The following PEX5L variants were observed in gnomAD, a reference collection of about 807,000 sequenced individuals.
PEX5L encodes the protein peroxisomal biogenesis factor 5 like.
PEX5L carries 30 observed loss-of-function variants against 84.0 expected under a neutral mutation model. The ratio of observed to expected loss-of-function variants is 0.36; its 90% CI spans 0.27 to 0.48. The LOEUF (loss-of-function observed/expected upper bound fraction) is 0.48. Ranked by LOEUF, PEX5L falls within the 20% of genes least tolerant of loss-of-function variation. PEX5L has a pLI of 0.99. For missense variants in PEX5L, 533 were observed against 754.6 expected, an observed-to-expected ratio of 0.71 and a Z score of 3.44; for synonymous variants, 270 against 283.1, an observed-to-expected ratio of 0.95 and a Z score of 0.46.
At chr3:179,894,139 T>A (rs548646484) in intron 3 of PEX5L, among the ~76,000 whole-genome samples, 1 of 152,242 alleles carries the variant, frequency 6.6e-6, no homozygotes, top group South Asian at 2.1e-4. Context: ...TACTTGTTTA[T>A]GGTTTTATTA....
intron 8 of PEX5L, among the ~76,000 whole-genome samples, chr3:179,841,315 T>G (rs1217220991): frequency 1.3e-5 from 2 of 152,126 alleles, no homozygotes; most frequent in Non-Finnish European, 2.9e-5. Flanking sequence ...TCGAAGGCCT[T>G]CTCTTTCCAT....
At chr3:179,922,451 C>CT (rs35332742) in intron 2 of PEX5L, among the ~76,000 whole-genome samples, 16,498 of 133,960 alleles carry the variant, frequency 0.12, 1,213 homozygotes, top group Non-Finnish European at 0.17. Flanking sequence ...CTTTTCTTTT[C>CT]TTTTTTTTTT....
At chr3:179,832,179 GA>G (rs1166519393) in intron 8 of PEX5L, among the ~76,000 whole-genome samples, 12 of 152,020 alleles carry the variant, frequency 7.9e-5, no homozygotes, top group Non-Finnish European at 1.3e-4. Flanking sequence ...ATCTTTAATA[GA>G]ATCCATAGGA....
intron 2 of PEX5L, among the ~76,000 whole-genome samples, chr3:179,961,469 G>A (rs151292185): frequency 4.7e-4 from 71 of 152,204 alleles, no homozygotes; most frequent in African/African-American, 1.7e-3. Context: ...GAGTGGTGCT[G>A]AGCAGAGAAG....
At chr3:180,032,000 T>C (rs1399039819) in intron 1 of PEX5L, among the ~76,000 whole-genome samples, 1 of 152,260 alleles carries the variant, frequency 6.6e-6, no homozygotes, top group Non-Finnish European at 1.5e-5. Context: ...GTGTTTCTTA[T>C]AGTAAGTATA....
At chr3:179,867,018 T>G (rs1399312466) in intron 7 of PEX5L, among the ~76,000 whole-genome samples, 1 of 110,874 alleles carries the variant, frequency 9.0e-6, no homozygotes, top group Non-Finnish European at 1.7e-5. Context: ...AGAGCAAGAC[T>G]CTGTCTCAAA....
chr3:179,971,784 C>A, intron 1 of PEX5L, 119 bp from the exon 2 acceptor site: 1 of 987,722 alleles, frequency 1.0e-6, no homozygotes. Flanking sequence ...ATGCATCATT[C>A]TTTATATAAA....
intron 2 of PEX5L, among the ~76,000 whole-genome samples, chr3:179,955,810 T>C (rs934640108): frequency 4.6e-5 from 7 of 152,148 alleles, no homozygotes; most frequent in Non-Finnish European, 1.0e-4. Context: ...AAATAATCAC[T>C]CAAAAAACCC....
intron 2 of PEX5L, among the ~76,000 whole-genome samples, chr3:179,961,815 G>T (rs1173646408): frequency 2.0e-5 from 3 of 152,124 alleles, no homozygotes; most frequent in Non-Finnish European, 2.9e-5. Context: ...CACCTGCATG[G>T]TTCATTAGAC....
chr3:179,914,417 T>C (rs1766282256), intron 2 of PEX5L, among the ~76,000 whole-genome samples: 1 of 152,214 alleles, frequency 6.6e-6, no homozygotes. Context: ...CTCGTCATCT[T>C]TACTTGGTGA....
At chr3:179,813,404 T>C (rs893561930) in intron 10 of PEX5L, among the ~76,000 whole-genome samples, 9 of 152,190 alleles carry the variant, frequency 5.9e-5, no homozygotes. Flanking sequence ...GTAAAATACA[T>C]AGCATTTATG....
intron 8 of PEX5L, among the ~76,000 whole-genome samples, chr3:179,827,521 T>C (rs954316042): frequency 2.0e-5 from 3 of 152,220 alleles, no homozygotes; most frequent in African/African-American, 7.2e-5. Context: ...CCATCCTCTC[T>C]GAGCCCTACC....
At chr3:179,917,931 T>C (rs1466259953) in intron 2 of PEX5L, among the ~76,000 whole-genome samples, 1 of 152,172 alleles carries the variant, frequency 6.6e-6, no homozygotes, top group Non-Finnish European at 1.5e-5. Flanking sequence ...AGTGCTGGGA[T>C]TAAAGGTGTG....
intron 1 of PEX5L, among the ~76,000 whole-genome samples, chr3:179,983,553 C>T (rs1266032868): frequency 6.6e-6 from 1 of 151,860 alleles, no homozygotes; most frequent in Admixed American, 6.6e-5. Flanking sequence ...AGCACCTTGG[C>T]ATGAATCAAG....
chr3:179,912,324 A>T (rs540997774), intron 2 of PEX5L, among the ~76,000 whole-genome samples: 1 of 152,260 alleles, frequency 6.6e-6, no homozygotes, highest in African/African-American at 2.4e-5. Flanking sequence ...TAACATTTAA[A>T]AGTGATTTGG....
intron 14 of PEX5L, among the ~76,000 whole-genome samples, chr3:179,806,006 C>T (rs1721160798): frequency 6.7e-6 from 1 of 149,094 alleles, no homozygotes; most frequent in African/African-American, 2.5e-5. Context: ...ATAAAATATA[C>T]ATAGTATATA....
intron 1 of PEX5L, among the ~76,000 whole-genome samples, chr3:180,007,812 G>C (rs774243470): frequency 5.9e-5 from 9 of 152,214 alleles, no homozygotes; most frequent in Non-Finnish European, 1.0e-4. Context: ...GAGTGGTTGG[G>C]ACACAGGCAC....
intron 2 of PEX5L, among the ~76,000 whole-genome samples, chr3:179,939,793 G>A (rs752269285): frequency 2.0e-5 from 3 of 152,168 alleles, no homozygotes; most frequent in Admixed American, 1.3e-4. Context: ...GAATAGCCAG[G>A]TCTCCTTGGT....
chr3:179,894,463 C>A (rs1758571405), intron 3 of PEX5L, among the ~76,000 whole-genome samples: 1 of 152,064 alleles, frequency 6.6e-6, no homozygotes, highest in Non-Finnish European at 1.5e-5. Flanking sequence ...TAAATCTCAA[C>A]CAGCTAGCTA....
Sources: gnomAD v4.1 joint callset for allele counts (sites outside exome capture counted in the v4.1 genomes callset) on GRCh38, gnomAD v4.1.1 for gene constraint, MANE v1.5 for transcripts, NCBI Gene and HGNC (gene_info 2026-07-23, HGNC 2026-07-21) for gene names.